Variants in CTNND2 observed in about 807,000 individuals in gnomAD.
The protein encoded by CTNND2 is catenin delta-2.
Under a neutral mutation model 144.4 loss-of-function variants are expected in CTNND2, and 22 were observed. The observed-to-expected ratio is 0.15, with a 90% CI of 0.11 to 0.22. CTNND2 has a LOEUF of 0.22. CTNND2 is among the 10% of genes least tolerant of loss of function. The pLI, the probability that CTNND2 is intolerant of heterozygous loss-of-function variation, is 1.00. For synonymous variants in CTNND2, 751 were observed against 695.6 expected, an observed-to-expected ratio of 1.08 and a Z score of -1.25; for missense variants, 1,353 against 1,618.8, an observed-to-expected ratio of 0.84 and a Z score of 2.82.
chr5:11,410,810 T>C (rs1761459359), intron 5 of CTNND2, among the ~76,000 whole-genome samples: 1 of 152,092 alleles, frequency 6.6e-6, no homozygotes, highest in African/African-American at 2.4e-5. Context: ...TATTTTGTCA[T>C]ATAATTGCTG....
chr5:11,166,739 T>G (rs1759375068), intron 11 of CTNND2, among the ~76,000 whole-genome samples: 2 of 152,052 alleles, frequency 1.3e-5, no homozygotes, highest in South Asian at 4.2e-4. Context: ...TGTTATACTA[T>G]TGTGTGTGTG....
intron 7 of CTNND2, among the ~76,000 whole-genome samples, chr5:11,374,541 T>G (rs1757736868): frequency 6.6e-6 from 1 of 152,128 alleles, no homozygotes; most frequent in South Asian, 2.1e-4. Flanking sequence ...GGTATTTTAT[T>G]CATTAGTGAC....
intron 1 of CTNND2, among the ~76,000 whole-genome samples, chr5:11,767,752 T>C (rs1044783262): frequency 1.3e-5 from 2 of 152,144 alleles, no homozygotes; most frequent in Admixed American, 1.3e-4. Flanking sequence ...GCAGAGGCAG[T>C]TGAGGTAAGC....
At chr5:11,671,869 TG>T (rs1783890523) in intron 2 of CTNND2, among the ~76,000 whole-genome samples, 1 of 152,152 alleles carries the variant, frequency 6.6e-6, no homozygotes, top group Non-Finnish European at 1.5e-5. Flanking sequence ...TTCTGGTTTT[TG>T]GAATTTTCAG....
At chr5:11,514,665 C>T (rs1333867422) in intron 3 of CTNND2, among the ~76,000 whole-genome samples, 1 of 152,194 alleles carries the variant, frequency 6.6e-6, no homozygotes, top group Non-Finnish European at 1.5e-5. Context: ...AGTTGACACA[C>T]AGGAGGTGTC....
At chr5:11,062,804 G>A (rs1419337434) in intron 16 of CTNND2, among the ~76,000 whole-genome samples, 3 of 152,202 alleles carry the variant, frequency 2.0e-5, no homozygotes, top group Non-Finnish European at 4.4e-5. Flanking sequence ...TGATCTGCCT[G>A]AAAAACGTGC....
At chr5:11,101,414 TC>T (rs1751864374) in intron 14 of CTNND2, among the ~76,000 whole-genome samples, 1 of 152,206 alleles carries the variant, frequency 6.6e-6, no homozygotes, top group Non-Finnish European at 1.5e-5. Context: ...GTGAGACAAT[TC>T]TGCACATGCA....
chr5:11,436,766 A>C (rs1763812104), intron 3 of CTNND2, among the ~76,000 whole-genome samples: 1 of 152,266 alleles, frequency 6.6e-6, no homozygotes, highest in Non-Finnish European at 1.5e-5. Context: ...GGCACTGATT[A>C]CTTTCAAGCT....
chr5:11,049,777 A>C (rs937567202), intron 16 of CTNND2, among the ~76,000 whole-genome samples: 13 of 152,242 alleles, frequency 8.5e-5, no homozygotes, highest in Non-Finnish European at 1.9e-4. Context: ...AAGCAACATA[A>C]AAAGTGCTTT....
intron 1 of CTNND2, among the ~76,000 whole-genome samples, chr5:11,804,608 C>G (rs1044158855): frequency 6.6e-6 from 1 of 152,066 alleles, no homozygotes; most frequent in Admixed American, 6.5e-5. Context: ...AGGGTACATA[C>G]CGAATGATTC....
In CTNND2 at chr5:11,385,066, A is replaced by T; in HGVS notation, c.776T>A (p.Leu259Gln). The T allele has an allele frequency of 1.8e-6, 2 of 1,088,166 alleles. No homozygotes were observed. Among genetic ancestry groups the T allele is most frequent in the Non-Finnish European group, 2.2e-6 (2 of 902,410 alleles). The allele number at this position is 1,088,166 out of a possible 1,614,324, so 67.4% of individuals were successfully genotyped here. The change falls in exon 7 of 22, where the codon CTG (leucine) becomes CAG (glutamine). Residue 259 changes from leucine to glutamine, a missense_variant. Transcript: ENST00000304623. ...AAALYYSSSTLPAPPRGGSPL... is the reference protein window; with the variant it reads ...AAALYYSSSTQPAPPRGGSPL... ...GGAGCCCCCGCGCGGCGGCGCGGGCAGCGTGGAGCTGGAGTAGTAGAGCGC... is the reference window on the plus strand; with the variant it reads ...GGAGCCCCCGCGCGGCGGCGCGGGCTGCGTGGAGCTGGAGTAGTAGAGCGC...
intron 2 of CTNND2, among the ~76,000 whole-genome samples, chr5:11,646,932 G>A (rs1782388031): frequency 6.6e-6 from 1 of 152,138 alleles, no homozygotes; most frequent in Non-Finnish European, 1.5e-5. Flanking sequence ...CACACACAGT[G>A]CTTCCAGGAC....
chr5:11,718,540 C>T (rs1225386146), intron 2 of CTNND2, among the ~76,000 whole-genome samples: 1 of 151,970 alleles, frequency 6.6e-6, no homozygotes, highest in East Asian at 1.9e-4. Flanking sequence ...CTTGCAAACA[C>T]ACTTGTGATC....
intron 2 of CTNND2, among the ~76,000 whole-genome samples, chr5:11,609,916 C>T (rs1349062802): frequency 1.3e-5 from 2 of 152,188 alleles, no homozygotes; most frequent in African/African-American, 4.8e-5. Flanking sequence ...TTGTCCCTAA[C>T]AGAATCACAC....
intron 2 of CTNND2, among the ~76,000 whole-genome samples, chr5:11,635,427 A>G (rs1010997967): frequency 2.6e-5 from 4 of 152,154 alleles, no homozygotes; most frequent in African/African-American, 9.7e-5. Context: ...CTTAGGAGCA[A>G]GGATGTAATT....
intron 3 of CTNND2, among the ~76,000 whole-genome samples, chr5:11,504,446 C>G (rs1294475787): frequency 2.0e-5 from 3 of 152,174 alleles, no homozygotes; most frequent in African/African-American, 7.2e-5. Flanking sequence ...CCTGCACCAG[C>G]TAGGACCTGC....
At chr5:11,058,887 T>C (rs1284853184) in intron 16 of CTNND2, among the ~76,000 whole-genome samples, 2 of 152,216 alleles carry the variant, frequency 1.3e-5, no homozygotes, top group Non-Finnish European at 2.9e-5. Context: ...AGCTTCAAGA[T>C]TTGACTTCCA....
intron 2 of CTNND2, among the ~76,000 whole-genome samples, chr5:11,664,157 T>C (rs956834556): frequency 6.6e-6 from 1 of 152,248 alleles, no homozygotes; most frequent in East Asian, 1.9e-4. Context: ...CTAACCTTGA[T>C]ACCTTTATTC....
chr5:11,234,256 C>G (rs970074329), intron 10 of CTNND2, among the ~76,000 whole-genome samples: 1 of 152,104 alleles, frequency 6.6e-6, no homozygotes, highest in Non-Finnish European at 1.5e-5. Context: ...TATATACACA[C>G]TGACACTTAG....
Sources: gnomAD v4.1 joint callset for allele counts (sites outside exome capture counted in the v4.1 genomes callset) on GRCh38, gnomAD v4.1.1 for gene constraint, MANE v1.5 for transcripts, NCBI Gene and HGNC (gene_info 2026-07-23, HGNC 2026-07-21) for gene names.